NBN: variants seen among roughly 807,000 people sequenced by gnomAD.
The protein encoded by NBN is Nijmegen breakage syndrome 1 (nibrin).
NBN carries 88 observed loss-of-function variants against 90.8 expected under a neutral mutation model. That is an observed-to-expected ratio of 0.97 (90% confidence interval 0.82 to 1.16). NBN has a LOEUF of 1.16. Among genes scored for constraint, NBN ranks in the 50% most tolerant of loss-of-function variants. The pLI is 0.00. For synonymous variants in NBN, 328 were observed against 295.1 expected (o/e 1.11, Z -1.14); for missense variants, 894 against 869.6 (o/e 1.03, Z -0.35).
At chr8:89,983,038 G>A (rs1307668914) in intron 1 of NBN, among the ~76,000 whole-genome samples, 183 bp from the exon 2 acceptor site, 1 of 152,018 alleles carries the variant, frequency 6.6e-6, no homozygotes, top group Non-Finnish European at 1.5e-5. Context: ...AAGCCTCACT[G>A]AAGGCTATCA....
chr8:89,967,028 C>G (rs1192363153), intron 7 of NBN, among the ~76,000 whole-genome samples: 1 of 152,182 alleles, frequency 6.6e-6, no homozygotes, highest in Admixed American at 6.5e-5. Context: ...CCTCGAATAA[C>G]ATCATTTCAT....
In NBN at chr8:89,970,394, C is replaced by T; in HGVS notation, c.866G>A (p.Trp289Ter). 6.2e-7 allele frequency: 1 copy of T among 1,613,458 alleles called. No individual in the cohort carries two copies. The highest frequency in any genetic ancestry group is 8.5e-7 in the Non-Finnish European group (1 of 1,179,530). ...GAGCATATCCATTATTGACTGAATC[C>T]ATTTCTTCTGACAGTCAGGAATTAA... is the stretch of plus-strand genomic sequence containing the variant. ...QTLIPDCQKKWIQSIMDMLQR... is the reference protein window; with the variant it reads ...QTLIPDCQKK Residue 289 changes from tryptophan to a stop codon, truncating the protein, a stop_gained, in exon 7 of 16, where the codon TGG (tryptophan) becomes TAG (stop). Transcript: ENST00000265433. LOFTEE classifies it high-confidence loss of function.
chr8:89,975,627 G>C (rs1811718650), intron 5 of NBN, among the ~76,000 whole-genome samples: 1 of 152,302 alleles, frequency 6.6e-6, no homozygotes, highest in Non-Finnish European at 1.5e-5. Flanking sequence ...TTATGGTAGG[G>C]ATGTTGTATA....
rs576845200 is a variant in NBN, at chr8:89,938,229, T to C, written c.2185-1154A>G. Among the ~76,000 whole-genome samples the C allele has an allele frequency of 3.3e-5, 5 of 152,332 alleles. 1 individual carries two copies. In the South Asian group the frequency reaches 8.3e-4, roughly 25 times the overall value. On this transcript the variant is annotated intron_variant, in intron 14 of 15. Transcript: ENST00000265433. ...ACAGATAGAGTAAGTCCTGACTTAA[T>C]GTTTTTGATATTTCTTGGAAACTGC...
Position 89,955,522 on chromosome 8 carries a change from G to A in NBN, c.1158C>T (p.Val386=). The change falls in exon 10 of 16, where the codon GTC becomes GTT. Residue 386 remains valine (V), a synonymous_variant. Transcript: ENST00000265433. ...DLSERPKEIK[V]SKMEQKFRML... ...TTCTGAATTTTTGTTCCATTTTGGA[G>A]ACTTTGATTTCTTTTGGCCTTTCAC... is the stretch of plus-strand genomic sequence containing the variant. 1 of 1,613,452 alleles carries A rather than the reference G, an allele frequency of 6.2e-7. No individual in the cohort carries two copies. Among genetic ancestry groups the A allele is most frequent in the Non-Finnish European group, 8.5e-7 (1 of 1,179,712 alleles).
chr8:89,947,862 G>A lies in NBN; in HGVS notation c.1876C>T (p.Leu626Phe). 6.3e-7 allele frequency: 1 copy of A among 1,581,346 alleles called. No homozygotes were observed. Among genetic ancestry groups the A allele is most frequent in the South Asian group, 1.1e-5 (1 of 88,868 alleles). The stretch of plus-strand genomic sequence containing the variant: ...GCTGACCATAGTGAGTCTTCCTTGA[G>A]TTCACGTTTCTTCCCAATTTCATTT... Reference protein sequence around the residue: ...QENEIGKKRELKEDSLWSAKE... With the variant: ...QENEIGKKREFKEDSLWSAKE... Residue 626 changes from leucine (L) to phenylalanine (F), a missense_variant, in exon 12 of 16, where the codon CTC becomes TTC. Leu to Phe is a conservative substitution (Grantham distance 22). Coordinates refer to ENST00000265433, the MANE Select transcript of NBN (RefSeq NM_002485.5).
Position 89,977,184 on chromosome 8 carries a change from T to A in NBN, c.584+1036A>T. 3.3e-5 allele frequency among the ~76,000 whole-genome samples: 5 copies of A among 152,268 alleles called. 1 individual carries two copies. In the Middle Eastern group the frequency reaches 0.017, roughly 518 times the overall value. On this transcript the variant is annotated intron_variant, in intron 5 of 15. Coordinates refer to ENST00000265433, the MANE Select transcript of NBN (RefSeq NM_002485.5). ...TGTCATCCAGGTTTTAAGACCCACA[T>A]GCATTAGGTATTTGTCCTAATGCTC...
chr8:89,964,360 A>G (rs1480248074), intron 8 of NBN, 50 bp downstream of exon 8: 3 of 1,599,636 alleles, frequency 1.9e-6, no homozygotes, highest in Non-Finnish European at 2.6e-6. Context: ...TAGCTTATCG[A>G]TTTACATAAT....
In NBN at chr8:89,984,445, C is replaced by T; in HGVS notation, c.37+80G>A. Reference sequence around the variant, plus strand: ...CGTCCCCGGGCAGGAACGGACGCGACGCAGGAATCACCCGCAGGCCCTCCC... The same window carrying T: ...CGTCCCCGGGCAGGAACGGACGCGATGCAGGAATCACCCGCAGGCCCTCCC... On this transcript the variant is annotated intron_variant, in intron 1 of 15. Coordinates refer to ENST00000265433, the MANE Select transcript of NBN (RefSeq NM_002485.5). 6.6e-6 allele frequency: 9 copies of T among 1,361,862 alleles called. No individual in the cohort carries two copies. In the South Asian group the frequency reaches 7.3e-5, roughly 11 times the overall value. The allele number at this position is 1,361,862 out of a possible 1,614,324, so 84.4% of individuals were successfully genotyped here.
At chr8:89,951,222 G>A (rs1199181389) in intron 11 of NBN, among the ~76,000 whole-genome samples, 8 of 148,588 alleles carry the variant, frequency 5.4e-5, no homozygotes, top group Non-Finnish European at 1.0e-4. Context: ...TGAGGCAGGA[G>A]AATGGCGTGA....
rs1335655343 is a variant in NBN, at chr8:89,958,839, G to A, written c.1010C>T (p.Thr337Ile). 3 of 1,613,610 alleles carry A rather than the reference G, an allele frequency of 1.9e-6. No homozygotes were observed. Among genetic ancestry groups the A allele is most frequent in the Non-Finnish European group, 1.7e-6 (2 of 1,179,678 alleles). ...GHPSTGLKTT[T>I]PGPSLSQGVS... ...GCCTTGTGAAAGGCTTGGTCCTGGA[G>A]TTGTTGTCTTTAATCCTGTAAATCA... The change falls in exon 9 of 16, where the codon ACT becomes ATT. Residue 337 changes from threonine (T) to isoleucine (I), a missense_variant. Coordinates refer to ENST00000265433, the MANE Select transcript of NBN (RefSeq NM_002485.5).
intron 3 of NBN, 70 bp downstream of exon 3, chr8:89,981,305 A>G (rs1812051703): frequency 6.8e-7 from 1 of 1,467,888 alleles, no homozygotes; most frequent in African/African-American, 1.4e-5. Flanking sequence ...TTAATCAGAA[A>G]TATCATTTTC....
intron 1 of NBN, 100 bp downstream of exon 1, chr8:89,984,425 C>G (rs1812232041): frequency 8.7e-7 from 1 of 1,145,360 alleles, no homozygotes; most frequent in African/African-American, 1.5e-5. Flanking sequence ...CGCAGCGTCC[C>G]CGGGCAGGAA....
At chr8:89,984,421 G>T in intron 1 of NBN, 104 bp downstream of exon 1, 2 of 1,097,708 alleles carry the variant, frequency 1.8e-6, no homozygotes, top group Non-Finnish European at 2.7e-6. Flanking sequence ...CTTCCGCAGC[G>T]TCCCCGGGCA....
rs756817252 is a variant in NBN at position 89,980,731 on chromosome 8, T to A, written c.480+3A>T. On this transcript the variant is annotated splice_donor_region_variant and intron_variant, in intron 4 of 15. Coordinates refer to ENST00000265433, the MANE Select transcript of NBN (RefSeq NM_002485.5). The stretch of plus-strand genomic sequence containing the variant: ...TAACATAAGAACAAGACATTCAACC[T>A]ACTTTAATGGTAACTTTCACTGATA... The A allele has an allele frequency of 6.2e-7, 1 of 1,607,758 alleles. No individual in the cohort carries two copies. Among genetic ancestry groups the A allele is most frequent in the Non-Finnish European group, 8.5e-7 (1 of 1,174,418 alleles).
intron 14 of NBN, among the ~76,000 whole-genome samples, chr8:89,938,418 C>T (rs1006106115): frequency 2.0e-5 from 3 of 152,114 alleles, no homozygotes; most frequent in Non-Finnish European, 4.4e-5. Flanking sequence ...TACTAATTTA[C>T]ATTTGAATGC....
intron 14 of NBN, 67 bp downstream of exon 14, chr8:89,943,186 C>G: frequency 1.9e-6 from 3 of 1,547,130 alleles, no homozygotes; most frequent in Non-Finnish European, 2.7e-6. Flanking sequence ...GAAGAATTTG[C>G]TTGAAGGCCA....
At chr8:89,977,489 G>T (rs1481312176) in intron 5 of NBN, among the ~76,000 whole-genome samples, 1 of 152,166 alleles carries the variant, frequency 6.6e-6, no homozygotes, top group East Asian at 1.9e-4. Context: ...GGGCATTTGG[G>T]TTGGTTCCAA....
chr8:89,953,917 C>T (rs909900863), intron 10 of NBN, among the ~76,000 whole-genome samples: 1 of 152,052 alleles, frequency 6.6e-6, no homozygotes, highest in African/African-American at 2.4e-5. Flanking sequence ...TAAAGCAGTA[C>T]GGTGATCTCT....
Sources: gnomAD v4.1 joint callset for allele counts (sites outside exome capture counted in the v4.1 genomes callset) on GRCh38, gnomAD v4.1.1 for gene constraint, MANE v1.5 for transcripts, NCBI Gene and HGNC (gene_info 2026-07-23, HGNC 2026-07-21) for gene names.